SYNE2: variants seen among roughly 807,000 people sequenced by gnomAD.
SYNE2 encodes the protein spectrin repeat containing nuclear envelope protein 2.
A neutral mutation model predicts 856.3 loss-of-function variants in SYNE2; 431 were observed. The ratio of observed to expected loss-of-function variants is 0.50; its 90% confidence interval spans 0.47 to 0.55. SYNE2 has a LOEUF of 0.55. Among genes scored for constraint, SYNE2 ranks in the 20% least tolerant of loss-of-function variants. The pLI is 0.00. For missense variants in SYNE2, 8,129 were observed against 8,023.2 expected (o/e 1.01, Z -0.50); for synonymous variants, 2,923 against 2,872.3 (o/e 1.02, Z -0.56).
chr14:64,189,152 G>A (rs2098505883), intron 98 of SYNE2: 1 of 596,512 alleles, frequency 1.7e-6, no homozygotes, highest in Non-Finnish European at 3.0e-6. Flanking sequence ...TGGCTGACAT[G>A]GTGAAACCTC....
chr14:63,866,654 G>A (rs754629122), intron 1 of SYNE2, among the ~76,000 whole-genome samples: 13 of 152,130 alleles, frequency 8.5e-5, no homozygotes, highest in African/African-American at 1.2e-4. Flanking sequence ...TGTAAGTTCT[G>A]TATTTGAAAA....
chr14:63,960,671 T>A (rs2096299477), intron 8 of SYNE2: 1 of 688,578 alleles, frequency 1.5e-6, no homozygotes, highest in Non-Finnish European at 2.7e-6. Flanking sequence ...AAATTAGGTG[T>A]TCATTTTGTC....
intron 73 of SYNE2, 106 bp from the exon 74 acceptor site, chr14:64,128,346 T>G: frequency 1.5e-6 from 1 of 683,076 alleles, no homozygotes; most frequent in Non-Finnish European, 2.7e-6. Flanking sequence ...TTTTTGTATT[T>G]GTTTGAAATT....
chr14:64,205,573 T>C (rs2098601350), intron 100 of SYNE2, among the ~76,000 whole-genome samples: 1 of 152,100 alleles, frequency 6.6e-6, no homozygotes, highest in South Asian at 2.1e-4. Flanking sequence ...CAAAAGTAGC[T>C]AAGAGCCATG....
chr14:63,869,046 AT>A (rs560101284), intron 1 of SYNE2, among the ~76,000 whole-genome samples: 71 of 152,338 alleles, frequency 4.7e-4, no homozygotes, highest in African/African-American at 1.7e-3. Flanking sequence ...AGGGAAAGGA[AT>A]ATTAGAACTT....
chr14:64,128,494 A>G lies in SYNE2; in HGVS notation c.13960A>G (p.Thr4654Ala). 2.5e-6 allele frequency: 4 copies of G among 1,608,600 alleles called. No individual in the cohort carries two copies. The highest frequency in any genetic ancestry group is 3.4e-6 in the Non-Finnish European group (4 of 1,174,926). Reference sequence around the variant, plus strand: ...ATATCATCAGCTCATTAAGAGTAAGACATCTTTACAACAGTCTTTGAATGA... The same window carrying G: ...ATATCATCAGCTCATTAAGAGTAAGGCATCTTTACAACAGTCTTTGAATGA... ...RLYHQLIKSK[T>A]SLQQSLNEIS... The change falls in exon 74 of 116, where the codon ACA (threonine) becomes GCA (alanine). Residue 4654 changes from threonine (T) to alanine (A), a missense_variant. By Grantham distance (58) the Thr-to-Ala change is moderately conservative. This residue lies in a region of SYNE2 where 5,410 missense variants were observed against 5,284.8 expected (regional missense o/e 1.02). Coordinates refer to ENST00000555002, the MANE Select transcript of SYNE2 (RefSeq NM_182914.3).
intron 1 of SYNE2, among the ~76,000 whole-genome samples, chr14:63,814,679 C>T (rs866214411): frequency 9.5e-5 from 6 of 63,228 alleles, no homozygotes; most frequent in Non-Finnish European, 1.3e-4. Context: ...CATATATATC[C>T]ATATATATCC....
chr14:63,837,762 T>A (rs1427693579), intron 1 of SYNE2, among the ~76,000 whole-genome samples: 1 of 150,174 alleles, frequency 6.7e-6, no homozygotes, highest in Non-Finnish European at 1.5e-5. Context: ...TACAAAAAAA[T>A]GTAAAAATTA....
At chr14:64,213,031 G>T in intron 105 of SYNE2, 26 bp downstream of exon 105, 2 of 1,611,908 alleles carry the variant, frequency 1.2e-6, no homozygotes, top group Non-Finnish European at 1.7e-6. Flanking sequence ...CCTAGAAATG[G>T]CACCTGGGCT....
intron 2 of SYNE2, among the ~76,000 whole-genome samples, chr14:63,926,412 G>C (rs1479664093): frequency 1.3e-5 from 2 of 152,128 alleles, no homozygotes; most frequent in Non-Finnish European, 2.9e-5. Context: ...ACTAAACGTA[G>C]TCTATGCCAG....
chr14:64,021,584 C>G, intron 36 of SYNE2, 69 bp downstream of exon 36: 1 of 1,565,214 alleles, frequency 6.4e-7, no homozygotes, highest in South Asian at 1.1e-5. Context: ...GTCTTGAGCT[C>G]TTAGAGTTAA....
At chr14:63,877,540 A>G (rs1050066016) in intron 1 of SYNE2, among the ~76,000 whole-genome samples, 1 of 152,126 alleles carries the variant, frequency 6.6e-6, no homozygotes, top group Non-Finnish European at 1.5e-5. Context: ...TGGAAATGAG[A>G]ACCATCTCTA....
chr14:63,797,907 A>G (rs377431690), intron 1 of SYNE2, among the ~76,000 whole-genome samples: 5 of 152,376 alleles, frequency 3.3e-5, no homozygotes, highest in Admixed American at 6.5e-5. Context: ...CATGTATTCC[A>G]CAGAGGGACA....
At chr14:63,980,520 A>G in intron 14 of SYNE2, 134 bp from the exon 15 acceptor site, 1 of 627,962 alleles carries the variant, frequency 1.6e-6, no homozygotes, top group Non-Finnish European at 2.9e-6. Flanking sequence ...TTTTCCTACC[A>G]AATATGTAGT....
At chr14:64,155,765 A>G (rs2098280796) in intron 85 of SYNE2, among the ~76,000 whole-genome samples, 1 of 152,184 alleles carries the variant, frequency 6.6e-6, no homozygotes, top group South Asian at 2.1e-4. Flanking sequence ...CATCTCCACA[A>G]AAAGTAAATA....
In SYNE2 at chr14:64,175,216, A is replaced by G. The variant is rs117497645; in HGVS notation, c.17430+78A>G. On this transcript the variant is annotated intron_variant, in intron 95 of 115. Transcript: ENST00000555002. Reference sequence around the variant, plus strand: ...TTTTCATTTGTGGTGTGAAAATGGAAATGGTTTTAGGAAACTATAGTATCA... The same window carrying G: ...TTTTCATTTGTGGTGTGAAAATGGAGATGGTTTTAGGAAACTATAGTATCA... The G allele has an allele frequency of 2.0e-3, 3,030 of 1,548,988 alleles. 7 individuals carry two copies. Among genetic ancestry groups the G allele is most frequent in the South Asian group, 3.2e-3 (279 of 86,670 alleles).
chr14:64,167,111 TG>T, intron 90 of SYNE2, 121 bp from the exon 91 acceptor site: 1 of 1,227,842 alleles, frequency 8.1e-7, no homozygotes, highest in Non-Finnish European at 1.2e-6. Context: ...TGTTTGACTG[TG>T]GGCAAGTCAT....
chr14:63,984,079 C>T (rs1404823368), intron 18 of SYNE2, among the ~76,000 whole-genome samples, 193 bp downstream of exon 18: 1 of 151,964 alleles, frequency 6.6e-6, no homozygotes, highest in Non-Finnish European at 1.5e-5. Flanking sequence ...CTGTCTATAC[C>T]AAAAATACGA....
At chr14:63,953,027 A>G (rs1321498069) in intron 7 of SYNE2, among the ~76,000 whole-genome samples, 1 of 152,176 alleles carries the variant, frequency 6.6e-6, no homozygotes, top group Non-Finnish European at 1.5e-5. Context: ...TTTTAAAAAT[A>G]TGTGTCTTAA....
Sources: allele counts gnomAD v4.1 joint callset (sites outside exome capture counted in the v4.1 genomes callset), GRCh38; gene constraint gnomAD v4.1.1; regional missense constraint gnomAD v4.1.1; transcripts MANE v1.5; gene names NCBI Gene and HGNC (gene_info 2026-07-23, HGNC 2026-07-21).